The following DLGAP1 variants were observed in gnomAD, a reference collection of about 807,000 sequenced individuals.
DLGAP1 encodes DLG associated protein 1, also known as disks large-associated protein 1.
Under a neutral mutation model 90.8 loss-of-function variants are expected in DLGAP1, and 11 were observed. The ratio of observed to expected loss-of-function variants is 0.12; its 90% CI spans 0.08 to 0.20. The LOEUF (loss-of-function observed/expected upper bound fraction) is 0.20. Ranked by LOEUF, DLGAP1 falls within the 10% of genes least tolerant of loss-of-function variation. The pLI is 1.00. For synonymous variants in DLGAP1, 558 were observed against 540.7 expected (o/e 1.03, Z -0.44); for missense variants, 1,050 against 1,333.8 (o/e 0.79, Z 3.31).
chr18:4,322,430 G>A (rs2080714221), intron 1 of DLGAP1, among the ~76,000 whole-genome samples: 1 of 152,058 alleles, frequency 6.6e-6, no homozygotes, highest in South Asian at 2.1e-4. Context: ...GGGAACCCAA[G>A]TAGATATCCA....
At chr18:3,996,702 C>G (rs2074078944) in intron 3 of DLGAP1, among the ~76,000 whole-genome samples, 2 of 151,892 alleles carry the variant, frequency 1.3e-5, no homozygotes, top group Admixed American at 1.3e-4. Context: ...GAAATCATAA[C>G]TATGTATTCC....
chr18:4,314,278 C>T (rs1297623431), intron 1 of DLGAP1, among the ~76,000 whole-genome samples: 6 of 152,202 alleles, frequency 3.9e-5, no homozygotes, highest in Admixed American at 3.9e-4. Context: ...GCTGCTACTT[C>T]TTAATGCCCC....
At chr18:4,409,306 A>T (rs72866316) in intron 1 of DLGAP1, among the ~76,000 whole-genome samples, 5,862 of 152,188 alleles carry the variant, frequency 0.039, 144 homozygotes, top group Non-Finnish European at 0.064. Context: ...CAGTTTCTAT[A>T]ATTCTTTTTT....
At chr18:3,669,366 G>T (rs1303141528) in intron 7 of DLGAP1, among the ~76,000 whole-genome samples, 1 of 152,128 alleles carries the variant, frequency 6.6e-6, no homozygotes, top group East Asian at 1.9e-4. Flanking sequence ...AGGCACTCCT[G>T]CCTTCCTGCC....
chr18:3,555,214 G>A (rs942167300), intron 9 of DLGAP1, among the ~76,000 whole-genome samples: 2 of 152,176 alleles, frequency 1.3e-5, no homozygotes, highest in African/African-American at 4.8e-5. Flanking sequence ...TTCTTTTGGA[G>A]AGGTTGAAAA....
intron 1 of DLGAP1, among the ~76,000 whole-genome samples, chr18:4,412,488 A>C (rs1412972702): frequency 6.6e-6 from 1 of 152,244 alleles, no homozygotes; most frequent in Non-Finnish European, 1.5e-5. Flanking sequence ...GGCTCTGCTA[A>C]CAGAGAAGGG....
intron 7 of DLGAP1, among the ~76,000 whole-genome samples, chr18:3,725,845 A>G (rs1485626282): frequency 6.6e-6 from 1 of 152,214 alleles, no homozygotes; most frequent in African/African-American, 2.4e-5. Context: ...TAATACCTAG[A>G]GGATCCCTGC....
rs60379984 is a variant in DLGAP1, at chr18:4,354,887, C to CAAAAAAAAAAAAAAAA, written c.-267+100103_-267+100118dup. 6.7e-4 allele frequency among the ~76,000 whole-genome samples: 16 copies of CAAAAAAAAAAAAAAAA among 23,872 alleles called. 3 individuals are homozygous for CAAAAAAAAAAAAAAAA. Among genetic ancestry groups the CAAAAAAAAAAAAAAAA allele is most frequent in the East Asian group, 2.0e-3 (1 of 506 alleles). 15.7% of individuals were successfully genotyped at this position (23,872 alleles called of 152,430 possible). ...TGGCTTTTTCTGCAATTACTCTCAC[C>CAAAAAAAAAAAAAAAA]AAAAAAAAAAAAAAAAAAAAAAAAA... On this transcript the variant is annotated intron_variant, in intron 1 of 12. Transcript: ENST00000315677.
intron 2 of DLGAP1, among the ~76,000 whole-genome samples, chr18:4,079,271 GTAGA>G (rs1348532345): frequency 7.0e-6 from 1 of 143,870 alleles, no homozygotes; most frequent in Non-Finnish European, 1.5e-5. Flanking sequence ...CAGCCAATGA[GTAGA>G]TAAAGAAAAT....
intron 3 of DLGAP1, among the ~76,000 whole-genome samples, chr18:3,946,074 C>T (rs910123877): frequency 6.6e-6 from 1 of 151,288 alleles, no homozygotes; most frequent in Non-Finnish European, 1.5e-5. Flanking sequence ...TACTTAATAT[C>T]AACATTTGTC....
intron 8 of DLGAP1, among the ~76,000 whole-genome samples, chr18:3,572,771 T>C (rs2054888949): frequency 6.6e-6 from 1 of 152,204 alleles, no homozygotes; most frequent in African/African-American, 2.4e-5. Flanking sequence ...TTCTTATAAA[T>C]GCTTTTTATC....
At position 3,659,101 on chromosome 18, in the gene DLGAP1, G is replaced by A. The variant is rs142768323; in HGVS notation, c.1591+70034C>T. On this transcript the variant is annotated intron_variant, in intron 7 of 12. Coordinates refer to ENST00000315677, the MANE Select transcript of DLGAP1 (RefSeq NM_004746.4). ...TCAAATTATTCTGTATAGTAAGGTA[G>A]GCCTTTATATTGGGAAGTAACTATG... Among the ~76,000 whole-genome samples, 591 of 152,100 alleles carry A rather than the reference G, an allele frequency of 3.9e-3. 15 individuals carry two copies. The East Asian group carries it at 0.085, about 22-fold the overall frequency.
At chr18:4,363,691 T>C (rs1311345732) in intron 1 of DLGAP1, among the ~76,000 whole-genome samples, 10 of 152,154 alleles carry the variant, frequency 6.6e-5, no homozygotes, top group African/African-American at 9.6e-5. Context: ...AAATGCAAAT[T>C]AAAACCACAA....
intron 6 of DLGAP1, among the ~76,000 whole-genome samples, chr18:3,738,630 T>C (rs1362981603): frequency 0.014 from 2,060 of 152,122 alleles, 53 homozygotes; most frequent in African/African-American, 0.046. Flanking sequence ...TAATTCAAGA[T>C]GAATTAAAGA....
intron 5 of DLGAP1, among the ~76,000 whole-genome samples, chr18:3,752,287 C>T (rs984515303): frequency 6.6e-6 from 1 of 152,072 alleles, no homozygotes; most frequent in African/African-American, 2.4e-5. Context: ...ATTATGTAAT[C>T]ATAATTACTA....
intron 4 of DLGAP1, among the ~76,000 whole-genome samples, chr18:3,860,272 C>T (rs887465870): frequency 1.3e-5 from 2 of 151,862 alleles, no homozygotes; most frequent in African/African-American, 2.4e-5. Context: ...CTTAAATCTG[C>T]TCTCTTGCTT....
chr18:4,172,556 C>T (rs2077041969), intron 1 of DLGAP1, among the ~76,000 whole-genome samples: 1 of 152,084 alleles, frequency 6.6e-6, no homozygotes, highest in Non-Finnish European at 1.5e-5. Flanking sequence ...TATTTCAAAG[C>T]TGATCAACAT....
intron 5 of DLGAP1, among the ~76,000 whole-genome samples, chr18:3,787,373 T>G (rs1460869623): frequency 6.7e-6 from 1 of 149,494 alleles, no homozygotes; most frequent in African/African-American, 2.5e-5. Context: ...CCCAGCTACT[T>G]GCAAGGCTGA....
intron 8 of DLGAP1, among the ~76,000 whole-genome samples, chr18:3,577,903 T>C (rs539861673): frequency 1.3e-5 from 2 of 152,168 alleles, no homozygotes; most frequent in Non-Finnish European, 2.9e-5. Flanking sequence ...AAAATAATAA[T>C]TGAGAAAGTC....
Sources: gnomAD v4.1 joint callset for allele counts (sites outside exome capture counted in the v4.1 genomes callset) on GRCh38, gnomAD v4.1.1 for gene constraint, MANE v1.5 for transcripts, NCBI Gene and HGNC (gene_info 2026-07-23, HGNC 2026-07-21) for gene names.